The following MDC1 variants were observed in gnomAD, a reference collection of about 807,000 sequenced individuals.
MDC1 encodes the protein mediator of DNA damage checkpoint protein 1.
Under a neutral mutation model 142.5 loss-of-function variants are expected in MDC1, and 81 were observed. The observed-to-expected ratio is 0.57, with a 90% CI of 0.47 to 0.68. The LOEUF (loss-of-function observed/expected upper bound fraction) is 0.68. Among genes scored for constraint, MDC1 ranks in the 30% least tolerant of loss-of-function variants. The probability of loss-of-function intolerance (pLI) is 0.00; values close to 1 mark genes in which losing one functional copy is unlikely to be tolerated. For missense variants in MDC1, 2,119 were observed against 2,547.9 expected (o/e 0.83, Z 3.62); for synonymous variants, 797 against 968.4 (o/e 0.82, Z 3.29).
In MDC1 at chr6:30,700,552, CG is replaced by C; in HGVS notation, c.6182del (p.Ser2061CysfsTer6). 6.2e-7 allele frequency: 1 copy of C among 1,612,776 alleles called. No homozygotes were observed. Among genetic ancestry groups the C allele is most frequent in the Non-Finnish European group, 8.5e-7 (1 of 1,179,978 alleles). On this transcript the variant is annotated frameshift_variant, in exon 15 of 15. Coordinates refer to ENST00000376406, the MANE Select transcript of MDC1 (RefSeq NM_014641.3). LOFTEE classifies it high-confidence loss of function. ...IPLRVGLPLL[S>X]PEFLLTGVLK... ...GCACTCCAGTCAGCAGGAACTCAGG[CG>C]AGAGGAGGGGCAGCCCAACCCGTAG...
In MDC1 at chr6:30,707,561, C is replaced by G. The variant is rs1437452614; in HGVS notation, c.3013+5G>C. ...CACCTTGGGTTCCCCTCTGCCTTCA[C>G]TTACCTTTCTGATGCCTCCTGGGGC... On this transcript the variant is annotated splice_donor_5th_base_variant and intron_variant, in intron 8 of 14. Coordinates refer to ENST00000376406, the MANE Select transcript of MDC1 (RefSeq NM_014641.3). The G allele has an allele frequency of 6.2e-7, 1 of 1,612,260 alleles. No homozygotes were observed. Among genetic ancestry groups the G allele is most frequent in the Non-Finnish European group, 8.5e-7 (1 of 1,179,376 alleles).
chr6:30,703,581 G>GTC lies in MDC1; in HGVS notation c.5562+38_5562+39dup. On this transcript the variant is annotated intron_variant, in intron 10 of 14. Transcript: ENST00000376406. The surrounding 1 kb of genome is among the most constrained non-coding windows in gnomAD (Gnocchi z 4.4). ...TTGGTGGGAGTTTCAGAGCCCTGAA[G>GTC]TCATTTTTCCCAGCTTTGTGGTCCC... 7 of 1,612,808 alleles carry GTC rather than the reference G, an allele frequency of 4.3e-6. No homozygotes were observed. The highest frequency in any genetic ancestry group is 5.9e-6 in the Non-Finnish European group (7 of 1,179,760).
chr6:30,702,967 T>C, intron 12 of MDC1, 90 bp from the exon 13 acceptor site: 1 of 1,596,552 alleles, frequency 6.3e-7, no homozygotes, highest in Non-Finnish European at 8.5e-7. Context: ...ACAAAATGTC[T>C]TTTAAATCAA....
intron 2 of MDC1, 134 bp downstream of exon 2, chr6:30,714,906 C>T: frequency 1.1e-6 from 1 of 899,930 alleles, no homozygotes; most frequent in Non-Finnish European, 1.7e-6. Context: ...TCAATCGGCC[C>T]CATCTCTTCC....
In MDC1 at chr6:30,703,643, G is replaced by A. The variant is rs1484431775; in HGVS notation, c.5540C>T (p.Ala1847Val). 1 of 1,578,676 alleles carries A rather than the reference G, an allele frequency of 6.3e-7. No homozygotes were observed. The highest frequency in any genetic ancestry group is 2.2e-5 in the East Asian group (1 of 44,708). ...CACCTCTTCCTTCCCTGGCTTCTCTGCAGTATCTTCTTCCTCTTCCTTGAT... is the reference window on the plus strand; with the variant it reads ...CACCTCTTCCTTCCCTGGCTTCTCTACAGTATCTTCTTCCTCTTCCTTGAT... ...VIIKEEEEDT[A>V]EKPGKEEDVV... is the part of the protein sequence containing the mutation. The change falls in exon 10 of 15, where the codon GCA becomes GTA. Residue 1847 changes from alanine (A) to valine (V), a missense_variant. Transcript: ENST00000376406. This position sits in a 1 kb window ranked among gnomAD's most constrained non-coding sequence, Gnocchi z 4.4.
intron 6 of MDC1, 79 bp downstream of exon 6, chr6:30,711,588 G>A: frequency 6.3e-7 from 1 of 1,599,130 alleles, no homozygotes; most frequent in Non-Finnish European, 8.6e-7. Flanking sequence ...ACCCATACTA[G>A]CCTTTACCCT....
chr6:30,713,577 A>G lies in MDC1; in HGVS notation c.587+71T>C. 1 of 1,477,174 alleles carries G rather than the reference A, an allele frequency of 6.8e-7. No individual in the cohort carries two copies. The allele number at this position is 1,477,174 out of a possible 1,614,324, so 91.5% of individuals were successfully genotyped here. On this transcript the variant is annotated intron_variant, in intron 4 of 14. Transcript: ENST00000376406. The surrounding 1 kb of genome is among the most constrained non-coding windows in gnomAD (Gnocchi z 4.9). ...AACTCTCATGATAATCATCTCTTTT[A>G]GAGATTGATCCTCCAGCCCCTGGTT...
At chr6:30,702,094 C>T (rs1581523209) in intron 14 of MDC1, among the ~76,000 whole-genome samples, 1 of 151,524 alleles carries the variant, frequency 6.6e-6, no homozygotes, top group Non-Finnish European at 1.5e-5. Flanking sequence ...AACCCCATCT[C>T]TACTAAAAAT....
chr6:30,708,374 GAAGA>G lies in MDC1; in HGVS notation c.2222-21_2222-18del, dbSNP rs1291949249. ...CTAGGGTACCTGGAAGGGGAGGAAGGAAGAGAGAGAGAGGGAGAGGGAGAGAAAA... is the reference window on the plus strand; with the variant it reads ...CTAGGGTACCTGGAAGGGGAGGAAGGGAGAGAGAGGGAGAGGGAGAGAAAA... On this transcript the variant is annotated intron_variant, in intron 7 of 14. Transcript: ENST00000376406. 2 of 1,596,166 alleles carry G rather than the reference GAAGA, an allele frequency of 1.3e-6. No homozygotes were observed. Among genetic ancestry groups the G allele is most frequent in the Non-Finnish European group, 1.7e-6 (2 of 1,172,174 alleles).
At chr6:30,707,326 C>G in intron 9 of MDC1, 58 bp downstream of exon 9, 1 of 1,512,024 alleles carries the variant, frequency 6.6e-7, no homozygotes, top group Non-Finnish European at 9.2e-7. Context: ...GGTGAAAGAG[C>G]ATTGGAGAAG....
Position 30,716,909 on chromosome 6 carries a change from C to T in MDC1, c.-4+336G>A, listed in dbSNP as rs2253802. The T allele has an allele frequency of 0.041, 40,486 of 983,810 alleles. 966 individuals carry two copies. The highest frequency in any genetic ancestry group is 0.077 in the African/African-American group (4,416 of 57,252). 60.9% of individuals were successfully genotyped at this position (983,810 alleles called of 1,614,324 possible). A position where few individuals can be genotyped will look rare whatever the true frequency, so the allele number is the denominator to read the frequency against. ...GAAAATATGCCACTCTAGAGGGAAA[C>T]TGTTGACAGGTAGGGAAAGTAGGAT... On this transcript the variant is annotated intron_variant, in intron 1 of 14. Transcript: ENST00000376406. This position sits in a 1 kb window ranked among gnomAD's most constrained non-coding sequence, Gnocchi z 4.4.
chr6:30,702,442 C>T, intron 14 of MDC1, 111 bp downstream of exon 14: 2 of 823,156 alleles, frequency 2.4e-6, no homozygotes, highest in Non-Finnish European at 3.7e-6. Flanking sequence ...CCTCTCACTA[C>T]TTTATATTCC....
At chr6:30,700,686 G>A (rs1439429965) in intron 14 of MDC1, 54 bp from the exon 15 acceptor site, 4 of 1,588,198 alleles carry the variant, frequency 2.5e-6, no homozygotes, top group Admixed American at 1.7e-5. Context: ...CTAGAAATGG[G>A]TTCAGGACCC....
chr6:30,712,584 C>T lies in MDC1; in HGVS notation c.1358G>A (p.Ser453Asn), dbSNP rs771928143. The T allele has an allele frequency of 3.1e-6, 5 of 1,613,064 alleles. No homozygotes were observed. The highest frequency in any genetic ancestry group is 2.2e-5 in the East Asian group (1 of 44,894). Residue 453 changes from serine to asparagine, a missense_variant, in exon 5 of 15, where the codon AGT (serine) becomes AAT (asparagine). Ser to Asn is a conservative substitution (Grantham distance 46). Transcript: ENST00000376406. The surrounding 1 kb of genome is among the most constrained non-coding windows in gnomAD (Gnocchi z 4.7). ...QRSQTTTERD[S>N]DTDVEEEELP... The stretch of plus-strand genomic sequence containing the variant: ...CTCTTCCTCCTCCACGTCTGTGTCA[C>T]TGTCTCTCTCAGTGGTGGTTTGGCT...
chr6:30,707,785 C>T lies in MDC1; in HGVS notation c.2794G>A (p.Glu932Lys), dbSNP rs769199645. 1.9e-6 allele frequency: 3 copies of T among 1,613,072 alleles called. No homozygotes were observed. Among genetic ancestry groups the T allele is most frequent in the Middle Eastern group, 1.6e-4 (1 of 6,062 alleles). Residue 932 changes from glutamate to lysine, a missense_variant, in exon 8 of 15, where the codon GAG (glutamate) becomes AAG (lysine). Transcript: ENST00000376406. ...ACTTTGGGCACCTTCTCTTCTAACT[C>T]GGCTGGATCGCACTCTCTGTTTGCT... ...PVANRECDPA[E>K]LEEKVPKVIL...
At position 30,707,908 on chromosome 6, in the gene MDC1, T is replaced by C; in HGVS notation, c.2671A>G (p.Lys891Glu). Residue 891 changes from lysine to glutamate, a missense_variant, in exon 8 of 15, where the codon AAG becomes GAG. Coordinates refer to ENST00000376406, the MANE Select transcript of MDC1 (RefSeq NM_014641.3). Reference sequence around the variant, plus strand: ...TCCTCAGATGTCTCAATTTCTACCTTCAAACTCTCCCTATCTCTTTCAGGA... The same window carrying C: ...TCCTCAGATGTCTCAATTTCTACCTCCAAACTCTCCCTATCTCTTTCAGGA... ...ASPERDRESL[K>E]VEIETSEEIQ... 6.2e-7 allele frequency: 1 copy of C among 1,613,090 alleles called. No homozygotes were observed. The highest frequency in any genetic ancestry group is 1.3e-5 in the African/African-American group (1 of 75,044).
At chr6:30,700,749 GA>G in intron 14 of MDC1, 117 bp from the exon 15 acceptor site, 1 of 1,006,948 alleles carries the variant, frequency 9.9e-7, no homozygotes, top group South Asian at 1.5e-5. Flanking sequence ...GAAGCCAAGT[GA>G]AGCACACCGC....
At chr6:30,714,986 T>C (rs1015628136) in intron 2 of MDC1, 54 bp downstream of exon 2, 23 of 1,597,280 alleles carry the variant, frequency 1.4e-5, no homozygotes, top group Non-Finnish European at 1.9e-5. Context: ...CCAAATACCT[T>C]ACCACAAAAA....
intron 9 of MDC1, among the ~76,000 whole-genome samples, chr6:30,706,619 C>CT (rs1773883588): frequency 1.2e-4 from 5 of 40,494 alleles, no homozygotes; most frequent in East Asian, 1.1e-3. Flanking sequence ...AAGACTCTGT[C>CT]TAAAAAAAAA....
Sources: gnomAD v4.1 joint callset for allele counts (sites outside exome capture counted in the v4.1 genomes callset) on GRCh38, gnomAD v4.1.1 for gene constraint, Gnocchi (gnomAD v3.1) non-coding constraint, MANE v1.5 for transcripts, NCBI Gene and HGNC (gene_info 2026-07-23, HGNC 2026-07-21) for gene names.